SUPV3L1: variants seen among roughly 807,000 people sequenced by gnomAD.
SUPV3L1 encodes the protein Suv3 like RNA helicase, also known as ATP-dependent RNA helicase SUPV3L1, mitochondrial.
In SUPV3L1, 35 loss-of-function variants were observed where a neutral mutation model predicts 70.0. The observed-to-expected ratio is 0.50, with a 90% confidence interval of 0.38 to 0.66. SUPV3L1 has a LOEUF of 0.66. Among genes scored for constraint, SUPV3L1 ranks in the 30% least tolerant of loss-of-function variants. The pLI is 0.00. For synonymous variants in SUPV3L1, 364 were observed against 341.9 expected (o/e 1.06, Z -0.71); for missense variants, 777 against 961.5 (o/e 0.81, Z 2.54).
rs77825532 is a variant in SUPV3L1 at position 69,186,893 on chromosome 10, G to GA, written c.457+354dup. 5.3e-4 allele frequency among the ~76,000 whole-genome samples: 77 copies of GA among 144,100 alleles called. 2 individuals carry two copies. Among genetic ancestry groups the GA allele is most frequent in the South Asian group, 1.3e-3 (6 of 4,564 alleles). 94.5% of individuals were successfully genotyped at this position (144,100 alleles called of 152,430 possible). On this transcript the variant is annotated intron_variant, in intron 3 of 14. Transcript: ENST00000359655. ...TCAGGACAAAGTTCTTGCTATAAAA[G>GA]AAAAAAAAAAAGTCAAAATATCATA...
chr10:69,188,321 CT>C (rs1486206880), intron 4 of SUPV3L1, among the ~76,000 whole-genome samples: 1 of 152,138 alleles, frequency 6.6e-6, no homozygotes, highest in Non-Finnish European at 1.5e-5. Flanking sequence ...TTAATCTCTG[CT>C]GCTCGCTTCA....
intron 4 of SUPV3L1, among the ~76,000 whole-genome samples, chr10:69,188,721 G>A (rs2394533): frequency 0.87 from 131,983 of 152,032 alleles, 57,575 homozygotes; most frequent in Non-Finnish European, 0.91. Context: ...CTGGTCTCGA[G>A]CTCCTGACCT....
At position 69,202,722 on chromosome 10, in the gene SUPV3L1, G is replaced by A. The variant is rs185429497; in HGVS notation, c.1600-145G>A. 2.2e-5 allele frequency: 22 copies of A among 997,952 alleles called. No homozygotes were observed. The Admixed American group carries it at 5.5e-4, about 25-fold the overall frequency. 61.8% of individuals were successfully genotyped at this position (997,952 alleles called of 1,614,324 possible). ...TCCTCTCAGTATTTCAGGTGGGGAA[G>A]GATATGAGGGAGTGATTAAAGCAAG... On this transcript the variant is annotated intron_variant, in intron 12 of 14. Coordinates refer to ENST00000359655, the MANE Select transcript of SUPV3L1 (RefSeq NM_003171.5).
chr10:69,208,764 C>G lies in SUPV3L1; in HGVS notation c.2090C>G (p.Ser697Ter). Residue 697 changes from serine (S) to a stop codon, truncating the protein, a stop_gained, in exon 15 of 15, where the codon TCA becomes TGA. Transcript: ENST00000359655. LOFTEE classifies it low-confidence loss of function (END_TRUNC). The stretch of plus-strand genomic sequence containing the variant: ...GAGGGCTTTCCATCAGGGAGCCAGT[C>G]ACGATTGTCAGGAACCTTAAAGAGC... ...NLEGFPSGSQ[S>*]RLSGTLKSQA... is the part of the protein sequence containing the mutation. The G allele has an allele frequency of 6.2e-7, 1 of 1,614,134 alleles. No homozygotes were observed.
rs1484433295 is a variant in SUPV3L1 at position 69,207,773 on chromosome 10, T to G, written c.1777-20T>G. ...GAATTCTGACACTTCTCTGAAACCC[T>G]TTTCCTCTTTCTCTCTCAGTTTGCC... On this transcript the variant is annotated intron_variant, in intron 13 of 14. Transcript: ENST00000359655. The G allele has an allele frequency of 6.2e-7, 1 of 1,603,470 alleles. No individual in the cohort carries two copies. The highest frequency in any genetic ancestry group is 1.1e-5 in the South Asian group (1 of 89,572).
At chr10:69,189,646 CTT>C (rs34718589) in intron 5 of SUPV3L1, among the ~76,000 whole-genome samples, 12 of 125,034 alleles carry the variant, frequency 9.6e-5, no homozygotes, top group Admixed American at 1.9e-4. Context: ...GCTATCAATT[CTT>C]TTTTTTTTTT....
At chr10:69,201,864 C>T (rs1259233556) in intron 11 of SUPV3L1, among the ~76,000 whole-genome samples, 1 of 117,046 alleles carries the variant, frequency 8.5e-6, no homozygotes, top group Non-Finnish European at 1.8e-5. Context: ...TTTTTTTAGA[C>T]GGAGTCTTGC....
At chr10:69,206,503 T>C (rs1407180096) in intron 13 of SUPV3L1, among the ~76,000 whole-genome samples, 1 of 152,194 alleles carries the variant, frequency 6.6e-6, no homozygotes, top group Non-Finnish European at 1.5e-5. Flanking sequence ...ATGTATAATA[T>C]TGCCTAATTC....
intron 3 of SUPV3L1, chr10:69,187,340 C>CATT (rs1842257764): frequency 1.0e-5 from 1 of 98,990 alleles, no homozygotes; most frequent in Admixed American, 1.4e-4. Flanking sequence ...TTCTTTTCTT[C>CATT]CTTTTTTTTT....
intron 6 of SUPV3L1, among the ~76,000 whole-genome samples, chr10:69,194,068 T>G (rs960295886): frequency 6.6e-6 from 1 of 152,152 alleles, no homozygotes; most frequent in Non-Finnish European, 1.5e-5. Flanking sequence ...ACCTCCTTGT[T>G]CTGGAACTTG....
chr10:69,195,395 A>G (rs1842517048), intron 7 of SUPV3L1, 130 bp downstream of exon 7: 2 of 475,032 alleles, frequency 4.2e-6, no homozygotes, highest in East Asian at 7.0e-5. Flanking sequence ...AAAGTAAACT[A>G]AGTATGAGTT....
chr10:69,202,277 T>C (rs1052755029), intron 11 of SUPV3L1, among the ~76,000 whole-genome samples, 162 bp from the exon 12 acceptor site: 3 of 152,242 alleles, frequency 2.0e-5, no homozygotes, highest in Non-Finnish European at 4.4e-5. Context: ...TGGTAATAAA[T>C]GGTAAAATGA....
chr10:69,206,801 G>A (rs1031114361), intron 13 of SUPV3L1, among the ~76,000 whole-genome samples: 10 of 152,224 alleles, frequency 6.6e-5, no homozygotes, highest in Admixed American at 1.3e-4. Context: ...AAGGTCGGGA[G>A]TTTGAGACCA....
intron 12 of SUPV3L1, 130 bp from the exon 13 acceptor site, chr10:69,202,737 A>T (rs1370350805): frequency 1.8e-6 from 2 of 1,098,744 alleles, no homozygotes; most frequent in African/African-American, 3.1e-5. Context: ...TGAGGGAGTG[A>T]TTAAAGCAAG....
chr10:69,191,709 G>A lies in SUPV3L1; in HGVS notation c.796G>A (p.Gly266Arg), dbSNP rs1842403534. Reference protein sequence around the residue: ...GEERVTVQPNGKQASHVSCTV... With the variant: ...GEERVTVQPNRKQASHVSCTV... ...AGAGCGTGTGACAGTTCAGCCAAAT[G>A]GGAAACAGGCTTCACATGTTTCTTG... Residue 266 changes from glycine (G) to arginine (R), a missense_variant, in exon 6 of 15, where the codon GGG (glycine) becomes AGG (arginine). Gly to Arg is a moderately radical substitution (Grantham distance 125, BLOSUM62 -2). Coordinates refer to ENST00000359655, the MANE Select transcript of SUPV3L1 (RefSeq NM_003171.5). The A allele has an allele frequency of 1.9e-6, 3 of 1,614,042 alleles. No homozygotes were observed. Among genetic ancestry groups the A allele is most frequent in the Non-Finnish European group, 2.5e-6 (3 of 1,179,982 alleles).
chr10:69,180,539 A>G lies in SUPV3L1; in HGVS notation c.248A>G (p.Glu83Gly). The part of the protein sequence containing the change: ...GPSADGDVGA[E>G]LTRPLDKNEV... Reference sequence around the variant, plus strand: ...AGCGCCGACGGCGACGTCGGGGCCGAGCTAACCCGGCCTCTGGACAAGAGT... The same window carrying G: ...AGCGCCGACGGCGACGTCGGGGCCGGGCTAACCCGGCCTCTGGACAAGAGT... Residue 83 changes from glutamate (E) to glycine (G), a missense_variant, in exon 1 of 15, where the codon GAG becomes GGG. This residue lies in a region of SUPV3L1 where 158 missense variants were observed against 138.3 expected (regional missense o/e 1.14). Transcript: ENST00000359655. The G allele has an allele frequency of 6.2e-7, 1 of 1,614,078 alleles. No individual in the cohort carries two copies.
chr10:69,194,749 TGTATGACA>T (rs1428081837), intron 6 of SUPV3L1, among the ~76,000 whole-genome samples: 10 of 151,982 alleles, frequency 6.6e-5, no homozygotes, highest in African/African-American at 2.4e-4. Flanking sequence ...GGACTCAGGC[TGTATGACA>T]GTGAGACACT....
At chr10:69,191,577 A>T in intron 5 of SUPV3L1, 78 bp from the exon 6 acceptor site, 1 of 1,210,384 alleles carries the variant, frequency 8.3e-7, no homozygotes, top group Admixed American at 1.9e-5. Context: ...GTGGTAGTGG[A>T]GAGAACACCC....
In SUPV3L1 at chr10:69,196,429, T is replaced by G. The variant is rs1173787882; in HGVS notation, c.932-563T>G. 2.6e-5 allele frequency among the ~76,000 whole-genome samples: 4 copies of G among 151,778 alleles called. No homozygotes were observed. In the East Asian group the frequency reaches 7.7e-4, roughly 29 times the overall value. On this transcript the variant is annotated intron_variant, in intron 7 of 14. Coordinates refer to ENST00000359655, the MANE Select transcript of SUPV3L1 (RefSeq NM_003171.5). ...TCACTTGAGCCTGGAAAGGAGATAT[T>G]GCAGTGAACCACAGTGAACCGAGGT...
Sources: gnomAD v4.1 joint callset for allele counts (sites outside exome capture counted in the v4.1 genomes callset) on GRCh38, gnomAD v4.1.1 for gene constraint, gnomAD v4.1.1 regional missense constraint, MANE v1.5 for transcripts, NCBI Gene and HGNC (gene_info 2026-07-23, HGNC 2026-07-21) for gene names.